Variants in EYS observed in about 807,000 individuals in gnomAD.
The protein encoded by EYS is EGF-like photoreceptor maintenance factor, also known as protein eyes shut homolog.
A neutral mutation model predicts 282.1 loss-of-function variants in EYS; 250 were observed. The observed-to-expected ratio is 0.89, with a 90% CI of 0.80 to 0.98. The LOEUF is 0.98. EYS is among the 50% of genes least tolerant of loss of function. The pLI is 0.00. For synonymous variants in EYS, 1,355 were observed against 1,282.9 expected (o/e 1.06, Z -1.20); for missense variants, 4,016 against 3,709.0 (o/e 1.08, Z -2.15).
intron 12 of EYS, among the ~76,000 whole-genome samples, chr6:65,253,618 C>A (rs1275590681): frequency 6.6e-6 from 1 of 151,698 alleles, no homozygotes; most frequent in African/African-American, 2.4e-5. Context: ...TGAAATTATT[C>A]TAAAAACAAT....
At chr6:64,284,275 G>T (rs1041394675) in intron 30 of EYS, among the ~76,000 whole-genome samples, 1 of 152,152 alleles carries the variant, frequency 6.6e-6, no homozygotes, top group Non-Finnish European at 1.5e-5. Context: ...TAAAACAAAT[G>T]GGTTACAGGG....
intron 33 of EYS, among the ~76,000 whole-genome samples, chr6:64,050,688 C>T (rs1000257851): frequency 3.9e-5 from 6 of 152,208 alleles, no homozygotes; most frequent in African/African-American, 1.4e-4. Flanking sequence ...CTTCAGCATG[C>T]TGCTCTCTCA....
chr6:65,356,559 G>GA (rs1326842571), intron 8 of EYS, among the ~76,000 whole-genome samples: 1 of 151,812 alleles, frequency 6.6e-6, no homozygotes, highest in Non-Finnish European at 1.5e-5. Flanking sequence ...TTTTCTTAAT[G>GA]AAAAAAACAA....
intron 35 of EYS, among the ~76,000 whole-genome samples, chr6:63,955,385 G>A (rs963385617): frequency 6.6e-6 from 1 of 152,112 alleles, no homozygotes; most frequent in Non-Finnish European, 1.5e-5. Flanking sequence ...CTCTTAAAGT[G>A]GATTAAAGAT....
chr6:63,810,184 C>CCG (rs1014778054), intron 36 of EYS, among the ~76,000 whole-genome samples: 2 of 151,238 alleles, frequency 1.3e-5, no homozygotes, highest in African/African-American at 4.9e-5. Context: ...TCACTTGAAT[C>CCG]CGCGAGACGG....
chr6:63,928,556 G>A (rs1165150343), intron 35 of EYS, among the ~76,000 whole-genome samples: 1 of 151,584 alleles, frequency 6.6e-6, no homozygotes, highest in Non-Finnish European at 1.5e-5. Context: ...GTGTGTGCGT[G>A]TGCGCATGCG....
intron 2 of EYS, among the ~76,000 whole-genome samples, chr6:65,529,582 G>A (rs1018571534): frequency 6.6e-5 from 10 of 152,126 alleles, no homozygotes; most frequent in African/African-American, 2.2e-4. Context: ...GAGTTGTCTT[G>A]TAAGCATGAA....
At chr6:64,736,681 T>G (rs1772193023) in intron 22 of EYS, among the ~76,000 whole-genome samples, 1 of 152,126 alleles carries the variant, frequency 6.6e-6, no homozygotes, top group Non-Finnish European at 1.5e-5. Flanking sequence ...GCGAAATGAG[T>G]CCTGCTTGAG....
chr6:64,338,586 A>G (rs749423271), intron 29 of EYS, among the ~76,000 whole-genome samples: 4 of 152,014 alleles, frequency 2.6e-5, no homozygotes, highest in Non-Finnish European at 4.4e-5. Flanking sequence ...ATTCAATGCA[A>G]TCCCCATCAA....
chr6:65,580,780 G>T (rs191105504), intron 2 of EYS, among the ~76,000 whole-genome samples: 1 of 151,918 alleles, frequency 6.6e-6, no homozygotes, highest in Non-Finnish European at 1.5e-5. Context: ...TATAGCTAAT[G>T]TTCTAACCAG....
chr6:65,101,150 T>C (rs1369988117), intron 12 of EYS, among the ~76,000 whole-genome samples: 2 of 151,098 alleles, frequency 1.3e-5, no homozygotes, highest in Admixed American at 1.3e-4. Context: ...GTGGCAAGCA[T>C]TTATTTACCT....
chr6:64,136,233 C>T (rs964247398), intron 31 of EYS, among the ~76,000 whole-genome samples: 1 of 151,716 alleles, frequency 6.6e-6, no homozygotes, highest in Admixed American at 6.6e-5. Context: ...GCAAGTTAGT[C>T]ACATCTTCAG....
At chr6:64,850,374 C>T (rs1240426716) in intron 19 of EYS, among the ~76,000 whole-genome samples, 1 of 152,054 alleles carries the variant, frequency 6.6e-6, no homozygotes, top group Non-Finnish European at 1.5e-5. Flanking sequence ...AACTCCATTT[C>T]ATGTAAGGCA....
intron 14 of EYS, among the ~76,000 whole-genome samples, chr6:64,997,122 A>G (rs1583376699): frequency 6.6e-6 from 1 of 152,158 alleles, no homozygotes; most frequent in East Asian, 1.9e-4. Flanking sequence ...TATGTACTGA[A>G]GGGACAACAC....
chr6:63,942,559 A>T (rs1346289919), intron 35 of EYS, among the ~76,000 whole-genome samples: 2 of 152,180 alleles, frequency 1.3e-5, no homozygotes, highest in Admixed American at 6.5e-5. Flanking sequence ...AGTGCCAGAA[A>T]ACAAATCGAC....
At chr6:65,549,043 T>A (rs975373590) in intron 2 of EYS, among the ~76,000 whole-genome samples, 1 of 152,090 alleles carries the variant, frequency 6.6e-6, no homozygotes, top group Non-Finnish European at 1.5e-5. Context: ...TGAGCACCAG[T>A]GAGGCTCTAA....
In EYS at chr6:65,153,244, G is replaced by A. The variant is rs1172266788; in HGVS notation, c.2024-95517C>T. 2.0e-5 allele frequency among the ~76,000 whole-genome samples: 3 copies of A among 151,772 alleles called. No individual in the cohort carries two copies. The East Asian group carries it at 5.9e-4, about 30-fold the overall frequency. On this transcript the variant is annotated intron_variant, in intron 12 of 42. Transcript: ENST00000503581. ...CATGTTCAGTTGACAGCATTCAGGA[G>A]CTTTCACCTCAAAGGATCTCACAGT...
intron 12 of EYS, among the ~76,000 whole-genome samples, chr6:65,216,644 A>AG (rs1766321401): frequency 1.3e-5 from 2 of 151,694 alleles, no homozygotes; most frequent in Admixed American, 1.3e-4. Context: ...TCTAGGAAAA[A>AG]CCTTTATGAA....
rs139897641 is a variant in EYS at position 64,557,952 on chromosome 6, A to C, written c.5644+32271T>G. 5.4e-4 allele frequency among the ~76,000 whole-genome samples: 82 copies of C among 152,218 alleles called. No homozygotes were observed. The East Asian group carries it at 0.013, about 23-fold the overall frequency. ...CTATCTGTTCTTTTACAGACCTGTC[A>C]GCCTCTGCACTGCTCATATAGGCAC... On this transcript the variant is annotated intron_variant, in intron 26 of 42. Coordinates refer to ENST00000503581, the MANE Select transcript of EYS (RefSeq NM_001142800.2).
Sources: gnomAD v4.1 joint callset for allele counts (sites outside exome capture counted in the v4.1 genomes callset) on GRCh38, gnomAD v4.1.1 for gene constraint, MANE v1.5 for transcripts, NCBI Gene and HGNC (gene_info 2026-07-23, HGNC 2026-07-21) for gene names.